CABLES2: variants seen among roughly 807,000 people sequenced by gnomAD.
CABLES2 encodes CDK5 and ABL1 enzyme substrate 2.
In CABLES2, 35 loss-of-function variants were observed where a neutral mutation model predicts 44.8. The ratio of observed to expected loss-of-function variants is 0.78; its 90% CI spans 0.60 to 1.04. The LOEUF (loss-of-function observed/expected upper bound fraction) is 1.04. CABLES2 is among the 50% of genes least tolerant of loss of function. The pLI, the probability that CABLES2 is intolerant of heterozygous loss-of-function variation, is 0.00. For missense variants in CABLES2, 566 were observed against 615.7 expected, an observed-to-expected ratio of 0.92 and a Z score of 0.85; for synonymous variants, 282 against 281.1, an observed-to-expected ratio of 1.00 and a Z score of -0.03.
rs1376860164 is a variant in CABLES2 at position 62,398,089 on chromosome 20, CGGTGGTGGT to C, written c.363-1506_363-1498del. Among the ~76,000 whole-genome samples the C allele has an allele frequency of 8.5e-3, 468 of 54,802 alleles. 10 individuals carry two copies. Among genetic ancestry groups the C allele is most frequent in the African/African-American group, 0.034 (425 of 12,336 alleles). 36.0% of individuals were successfully genotyped at this position (54,802 alleles called of 152,430 possible). A position where few individuals can be genotyped will look rare whatever the true frequency, so the allele number is the denominator to read the frequency against. ...GTGGTGACGGTGGTGGTGGTGGTGA[CGGTGGTGGT>C]GGTGGTGATGGTGGTGGTGGTGGTG... On this transcript the variant is annotated intron_variant, in intron 1 of 9. Coordinates refer to ENST00000279101, the MANE Select transcript of CABLES2 (RefSeq NM_031215.3).
chr20:62,398,200 T>C lies in CABLES2; in HGVS notation c.363-1608A>G, dbSNP rs1190350911. Among the ~76,000 whole-genome samples the C allele has an allele frequency of 3.4e-3, 293 of 87,234 alleles. 6 individuals carry two copies. Among genetic ancestry groups the C allele is most frequent in the East Asian group, 5.9e-3 (19 of 3,240 alleles). 57.2% of individuals were successfully genotyped at this position (87,234 alleles called of 152,430 possible). On this transcript the variant is annotated intron_variant, in intron 1 of 9. Transcript: ENST00000279101. Reference sequence around the variant, plus strand: ...GTGGTGGTGGTGATGGTGATGATGGTGGTGATGGTGATGTGATGGTGGTGG... The same window carrying C: ...GTGGTGGTGGTGATGGTGATGATGGCGGTGATGGTGATGTGATGGTGGTGG...
At chr20:62,400,863 C>A (rs1239247390) in intron 1 of CABLES2, among the ~76,000 whole-genome samples, 1 of 152,206 alleles carries the variant, frequency 6.6e-6, no homozygotes, top group Non-Finnish European at 1.5e-5. Context: ...AATCTGTTCC[C>A]AGCAGGTTCT....
intron 1 of CABLES2, among the ~76,000 whole-genome samples, chr20:62,398,139 A>C (rs1196333038): frequency 2.2e-5 from 1 of 45,506 alleles, no homozygotes; most frequent in Non-Finnish European, 4.5e-5. Flanking sequence ...GACGGTGGTG[A>C]TGGTGGTGGT....
At chr20:62,397,071 A>G (rs1032767633) in intron 1 of CABLES2, among the ~76,000 whole-genome samples, 1 of 152,094 alleles carries the variant, frequency 6.6e-6, no homozygotes, top group Non-Finnish European at 1.5e-5. Context: ...CCTTGCTCTC[A>G]GGCCACCTTC....
chr20:62,397,822 G>A (rs1988045672), intron 1 of CABLES2, among the ~76,000 whole-genome samples: 1 of 151,706 alleles, frequency 6.6e-6, no homozygotes, highest in Admixed American at 6.6e-5. Context: ...ATGTGGCGTG[G>A]CACGTCTGAG....
intron 8 of CABLES2, 109 bp downstream of exon 8, chr20:62,392,280 A>C: frequency 1.2e-6 from 1 of 806,216 alleles, no homozygotes; most frequent in South Asian, 1.5e-5. Flanking sequence ...GGGGTTGGGG[A>C]TGGGCAGCGG....
At chr20:62,392,343 G>T in intron 8 of CABLES2, 46 bp downstream of exon 8, 2 of 1,375,786 alleles carry the variant, frequency 1.5e-6, no homozygotes, top group Non-Finnish European at 2.1e-6. Flanking sequence ...GGAGAGGCTG[G>T]CAGGGCCTCC....
At chr20:62,406,306 C>T (rs368531441) in intron 1 of CABLES2, among the ~76,000 whole-genome samples, 3 of 151,900 alleles carry the variant, frequency 2.0e-5, no homozygotes, top group Admixed American at 6.6e-5. Context: ...CGGTGTGGCC[C>T]GGTTCAAAGA....
At chr20:62,398,109 G>GTGGTGGTGA (rs1555890782) in intron 1 of CABLES2, among the ~76,000 whole-genome samples, 7 of 104,838 alleles carry the variant, frequency 6.7e-5, no homozygotes, top group Non-Finnish European at 1.2e-4. Context: ...GGTGGTGATG[G>GTGGTGGTGA]TGGTGGTGGT....
At position 62,389,119 on chromosome 20, in the gene CABLES2, C is replaced by T. The variant is rs1987860172; in HGVS notation, c.*1852G>A. 1 of 153,590 alleles carries T rather than the reference C, an allele frequency of 6.5e-6. No individual in the cohort carries two copies. The allele number at this position is 153,590 out of a possible 1,614,324, so 9.5% of individuals were successfully genotyped here. A position where few individuals can be genotyped will look rare whatever the true frequency, so the allele number is the denominator to read the frequency against. On this transcript the variant is annotated 3_prime_UTR_variant, in exon 10 of 10. Coordinates refer to ENST00000279101, the MANE Select transcript of CABLES2 (RefSeq NM_031215.3). ...GGCAGGTTGTAAACTGCAACAGTTA[C>T]TAGGAAGTCAGTCCTTTACATGCTC... is the stretch of plus-strand genomic sequence containing the variant.
intron 1 of CABLES2, among the ~76,000 whole-genome samples, chr20:62,398,271 C>CAGT: frequency 1.1e-5 from 1 of 95,236 alleles, no homozygotes; most frequent in Non-Finnish European, 2.1e-5. Flanking sequence ...ATGGTGATGG[C>CAGT]GGTGGTGGTG....
chr20:62,393,070 C>G, intron 6 of CABLES2, 47 bp from the exon 7 acceptor site: 2 of 1,521,804 alleles, frequency 1.3e-6, no homozygotes, highest in Non-Finnish European at 1.8e-6. Flanking sequence ...TGAGCAGTAC[C>G]CATCTAGCCC....
intron 6 of CABLES2, 135 bp downstream of exon 6, chr20:62,393,305 C>G (rs1372860643): frequency 1.7e-5 from 18 of 1,034,094 alleles, no homozygotes; most frequent in Non-Finnish European, 2.3e-5. Flanking sequence ...CCTCTCCTGA[C>G]CCTGTTCCCC....
Position 62,396,450 on chromosome 20 carries a change from C to T in CABLES2, c.435-43G>A, listed in dbSNP as rs774846811. The T allele has an allele frequency of 2.9e-5, 47 of 1,613,050 alleles. No homozygotes were observed. Among genetic ancestry groups the T allele is most frequent in the Non-Finnish European group, 3.8e-5 (45 of 1,179,246 alleles). ...CAGGTCACTCTTTTCCTCCCAGGAC[C>T]CTCTGGCCCCGCAGGGGTCAGTGGC... On this transcript the variant is annotated intron_variant, in intron 2 of 9. Transcript: ENST00000279101. This position sits in a 1 kb window ranked among gnomAD's most constrained non-coding sequence, Gnocchi z 5.7.
At chr20:62,397,995 ATGATGGTGATGGTTATGGCGG>A (rs1988066939) in intron 1 of CABLES2, among the ~76,000 whole-genome samples, 1 of 57,062 alleles carries the variant, frequency 1.8e-5, no homozygotes, top group African/African-American at 9.2e-5. Flanking sequence ...GGTGGTGGTG[ATGATGGTGATGGTTATGGCGG>A]TGGTGGTGGT....
At position 62,401,154 on chromosome 20, in the gene CABLES2, C is replaced by G. The variant is rs1316033327; in HGVS notation, c.363-4562G>C. 2.0e-5 allele frequency among the ~76,000 whole-genome samples: 3 copies of G among 152,332 alleles called. No homozygotes were observed. In the East Asian group the frequency reaches 5.8e-4, roughly 29 times the overall value. On this transcript the variant is annotated intron_variant, in intron 1 of 9. Transcript: ENST00000279101. ...ATGGTGGCCGCTCTCCACTGTCTCT[C>G]AGGGGCTCATTTTGTGAACCTGGCC... is the stretch of plus-strand genomic sequence containing the variant.
chr20:62,400,191 G>A (rs578207435), intron 1 of CABLES2, among the ~76,000 whole-genome samples: 2 of 152,242 alleles, frequency 1.3e-5, no homozygotes, highest in East Asian at 3.9e-4. Context: ...AGGTGGGTGA[G>A]CAGCTGGCCA....
chr20:62,394,396 G>A (rs528362670), intron 4 of CABLES2, 131 bp from the exon 5 acceptor site: 117 of 681,854 alleles, frequency 1.7e-4, no homozygotes, highest in South Asian at 6.2e-4. Context: ...AAAGAAAGGC[G>A]GCACTGGTGT....
chr20:62,392,624 G>C, intron 7 of CABLES2, 129 bp from the exon 8 acceptor site: 1 of 713,654 alleles, frequency 1.4e-6, no homozygotes, highest in Non-Finnish European at 2.5e-6. Context: ...GAGAGGCCCC[G>C]AATCTCTGAG....
Sources: gnomAD v4.1 joint callset for allele counts (sites outside exome capture counted in the v4.1 genomes callset) on GRCh38, gnomAD v4.1.1 for gene constraint, Gnocchi (gnomAD v3.1) non-coding constraint, MANE v1.5 for transcripts, NCBI Gene and HGNC (gene_info 2026-07-23, HGNC 2026-07-21) for gene names.